Variants in ARIH2 observed in about 807,000 individuals in gnomAD.
ARIH2 encodes the protein E3 ubiquitin-protein ligase ARIH2.
In ARIH2, 12 loss-of-function variants were observed where a neutral mutation model predicts 79.8. That is an observed-to-expected ratio of 0.15 (90% CI 0.10 to 0.24). The LOEUF is 0.24. ARIH2 is among the 10% of genes least tolerant of loss of function. The probability of loss-of-function intolerance (pLI) is 1.00; values close to 1 mark genes in which losing one functional copy is unlikely to be tolerated. For synonymous variants in ARIH2, 224 were observed against 213.9 expected (o/e 1.05, Z -0.41); for missense variants, 301 against 618.3 (o/e 0.49, Z 5.44).
intron 3 of ARIH2, among the ~76,000 whole-genome samples, chr3:48,940,493 G>A (rs560306835): frequency 6.6e-6 from 1 of 151,664 alleles, no homozygotes; most frequent in South Asian, 2.1e-4. Flanking sequence ...TGAGGTCAGT[G>A]TTGCGAGAAG....
chr3:48,948,832 T>C (rs533670870), intron 3 of ARIH2, among the ~76,000 whole-genome samples: 70 of 152,370 alleles, frequency 4.6e-4, no homozygotes, highest in Middle Eastern at 6.8e-3. Flanking sequence ...GTTCTTTCTC[T>C]TAGCATAATG....
At chr3:48,965,407 A>G (rs1334604735) in intron 5 of ARIH2, among the ~76,000 whole-genome samples, 2 of 152,118 alleles carry the variant, frequency 1.3e-5, no homozygotes, top group African/African-American at 4.8e-5. Flanking sequence ...CAACATGCCC[A>G]CAATATTTGT....
chr3:48,978,022 T>C (rs952344357), intron 11 of ARIH2, among the ~76,000 whole-genome samples: 3 of 152,128 alleles, frequency 2.0e-5, no homozygotes, highest in African/African-American at 7.2e-5. Context: ...ATATAAAATC[T>C]AATAAGGTAT....
chr3:48,957,588 A>G (rs759871096), intron 3 of ARIH2, among the ~76,000 whole-genome samples: 30 of 152,172 alleles, frequency 2.0e-4, no homozygotes, highest in African/African-American at 7.0e-4. Flanking sequence ...ATAATGAGAC[A>G]TGTAGAAGTC....
intron 3 of ARIH2, among the ~76,000 whole-genome samples, chr3:48,942,330 C>T (rs1032956103): frequency 4.6e-5 from 7 of 152,102 alleles, no homozygotes; most frequent in Non-Finnish European, 1.0e-4. Flanking sequence ...GGATTACTGG[C>T]ATGAGCCACT....
intron 3 of ARIH2, among the ~76,000 whole-genome samples, chr3:48,930,675 T>A (rs1487043802): frequency 1.3e-5 from 2 of 152,178 alleles, no homozygotes; most frequent in Non-Finnish European, 2.9e-5. Context: ...TTTAAGTGCT[T>A]AGTTTACCCA....
intron 1 of ARIH2, 166 bp downstream of exon 1, chr3:48,919,164 G>C: frequency 7.7e-7 from 1 of 1,300,262 alleles, no homozygotes; most frequent in Non-Finnish European, 9.7e-7. Flanking sequence ...CGCCGTCAGC[G>C]GCCGGGCGCC....
intron 3 of ARIH2, chr3:48,944,937 A>G (rs2088906317): frequency 2.6e-6 from 1 of 386,810 alleles, no homozygotes; most frequent in East Asian, 7.2e-5. Context: ...CCAGGCCCAG[A>G]AGCTGGCCCA....
chr3:48,970,715 G>A lies in ARIH2; in HGVS notation c.770+11G>A. ...CAACGAGGTCTTCTGGTAAGAGTGAGTGTGAGTGCTGAGCAGCCCTGGGCT... is the reference window on the plus strand; with the variant it reads ...CAACGAGGTCTTCTGGTAAGAGTGAATGTGAGTGCTGAGCAGCCCTGGGCT... On this transcript the variant is annotated intron_variant, in intron 8 of 15. Coordinates refer to ENST00000356401, the MANE Select transcript of ARIH2 (RefSeq NM_006321.4). 1 of 1,605,068 alleles carries A rather than the reference G, an allele frequency of 6.2e-7. No homozygotes were observed. Among genetic ancestry groups the A allele is most frequent in the Non-Finnish European group, 8.5e-7 (1 of 1,171,876 alleles).
intron 3 of ARIH2, among the ~76,000 whole-genome samples, chr3:48,939,229 A>G (rs1230548059): frequency 2.6e-5 from 4 of 151,972 alleles, no homozygotes; most frequent in Non-Finnish European, 4.4e-5. Flanking sequence ...CGGCCTCCCA[A>G]AGTGCTGGGA....
At chr3:48,964,199 G>A (rs533453769) in intron 4 of ARIH2, among the ~76,000 whole-genome samples, 1 of 151,702 alleles carries the variant, frequency 6.6e-6, no homozygotes, top group East Asian at 1.9e-4. Context: ...CCCGGATAGG[G>A]TTTCACCATA....
intron 4 of ARIH2, among the ~76,000 whole-genome samples, chr3:48,964,489 T>C (rs2091586864): frequency 6.7e-6 from 1 of 150,084 alleles, no homozygotes; most frequent in South Asian, 2.1e-4. Context: ...CTAATTTTTG[T>C]ATTTTTAGTA....
intron 3 of ARIH2, among the ~76,000 whole-genome samples, chr3:48,954,436 CAA>C (rs112900221): frequency 3.1e-5 from 4 of 130,030 alleles, no homozygotes; most frequent in Admixed American, 7.8e-5. Context: ...GACTCTGTCT[CAA>C]AAAAAAAAAA....
At chr3:48,975,029 G>A in intron 11 of ARIH2, 50 bp downstream of exon 11, 1 of 1,614,114 alleles carries the variant, frequency 6.2e-7, no homozygotes, top group Non-Finnish European at 8.5e-7. Flanking sequence ...TCTTGTGGTT[G>A]GGTCTCCGTT....
At chr3:48,953,749 C>A (rs1226562802) in intron 3 of ARIH2, among the ~76,000 whole-genome samples, 1 of 151,756 alleles carries the variant, frequency 6.6e-6, no homozygotes, top group Non-Finnish European at 1.5e-5. Context: ...CCGGCTGGAG[C>A]GTAGTGGCGT....
chr3:48,951,456 C>A (rs1433820028), intron 3 of ARIH2, among the ~76,000 whole-genome samples: 1 of 152,006 alleles, frequency 6.6e-6, no homozygotes, highest in African/African-American at 2.4e-5. Flanking sequence ...ATGCTAACCT[C>A]ATAAAATGAG....
At chr3:48,951,602 C>T (rs993458513) in intron 3 of ARIH2, among the ~76,000 whole-genome samples, 10 of 152,028 alleles carry the variant, frequency 6.6e-5, no homozygotes, top group African/African-American at 2.4e-4. Flanking sequence ...AATGTCTTTA[C>T]TATATAAAGA....
chr3:48,944,604 G>C (rs1487453308), intron 3 of ARIH2, among the ~76,000 whole-genome samples: 3 of 152,152 alleles, frequency 2.0e-5, no homozygotes, highest in Non-Finnish European at 2.9e-5. Flanking sequence ...GGGCCTTTTA[G>C]AGGCTGAGAA....
At chr3:48,936,218 C>T (rs1186961193) in intron 3 of ARIH2, among the ~76,000 whole-genome samples, 2 of 150,924 alleles carry the variant, frequency 1.3e-5, no homozygotes, top group African/African-American at 2.4e-5. Flanking sequence ...TTTTCTTTGC[C>T]CTTGCTGCTC....
Sources: allele counts gnomAD v4.1 joint callset (sites outside exome capture counted in the v4.1 genomes callset), GRCh38; gene constraint gnomAD v4.1.1; transcripts MANE v1.5; gene names NCBI Gene and HGNC (gene_info 2026-07-23, HGNC 2026-07-21).